The following MAML2 variants were observed in gnomAD, a reference collection of about 807,000 sequenced individuals.
MAML2 encodes mastermind-like protein 2.
A neutral mutation model predicts 96.1 loss-of-function variants in MAML2; 22 were observed. That is an observed-to-expected ratio of 0.23 (90% CI 0.16 to 0.33). MAML2 has a LOEUF of 0.33. MAML2 is among the 10% of genes least tolerant of loss of function. The pLI, the probability that MAML2 is intolerant of heterozygous loss-of-function variation, is 1.00. For missense variants in MAML2, 1,367 were observed against 1,392.4 expected, an observed-to-expected ratio of 0.98 and a Z score of 0.29; for synonymous variants, 561 against 521.3, an observed-to-expected ratio of 1.08 and a Z score of -1.04.
chr11:96,272,119 C>G (rs1281731658), intron 1 of MAML2, among the ~76,000 whole-genome samples: 1 of 152,150 alleles, frequency 6.6e-6, no homozygotes, highest in African/African-American at 2.4e-5. Context: ...AAACTGACTC[C>G]TTTCTCTGAC....
intron 2 of MAML2, among the ~76,000 whole-genome samples, chr11:96,069,087 C>A (rs1404290563): frequency 6.6e-6 from 1 of 151,738 alleles, no homozygotes; most frequent in Non-Finnish European, 1.5e-5. Flanking sequence ...TGCCACCAGC[C>A]CAGCTAGTTT....
At chr11:96,190,791 T>C (rs190374214) in intron 1 of MAML2, among the ~76,000 whole-genome samples, 1 of 152,304 alleles carries the variant, frequency 6.6e-6, no homozygotes, top group East Asian at 1.9e-4. Flanking sequence ...GGGGGTCTCA[T>C]GTGTAAAAAC....
intron 1 of MAML2, among the ~76,000 whole-genome samples, chr11:96,105,412 A>T (rs971472805): frequency 3.3e-5 from 5 of 152,224 alleles, no homozygotes; most frequent in African/African-American, 9.7e-5. Flanking sequence ...TGGACAACCC[A>T]GGACTGCAAT....
chr11:96,116,949 A>T (rs1327655587), intron 1 of MAML2, among the ~76,000 whole-genome samples: 2 of 152,264 alleles, frequency 1.3e-5, no homozygotes, highest in African/African-American at 4.8e-5. Context: ...CATCAGCAAG[A>T]AGTTAATGAT....
At chr11:96,000,029 T>C (rs1159277062) in intron 2 of MAML2, among the ~76,000 whole-genome samples, 3 of 152,198 alleles carry the variant, frequency 2.0e-5, no homozygotes, top group East Asian at 1.9e-4. Context: ...AAACAAGTTG[T>C]CTGAACTGTT....
chr11:96,051,267 G>T (rs1249740563), intron 2 of MAML2, among the ~76,000 whole-genome samples: 2 of 152,042 alleles, frequency 1.3e-5, no homozygotes. Flanking sequence ...CTCTCAATTA[G>T]TCCTCACATT....
At chr11:96,079,376 A>C (rs1332341548) in intron 2 of MAML2, among the ~76,000 whole-genome samples, 3 of 152,210 alleles carry the variant, frequency 2.0e-5, no homozygotes, top group Non-Finnish European at 4.4e-5. Flanking sequence ...TAAACACATG[A>C]TTGAGCAAAT....
At chr11:96,052,939 T>C (rs1025016880) in intron 2 of MAML2, among the ~76,000 whole-genome samples, 4 of 152,218 alleles carry the variant, frequency 2.6e-5, no homozygotes, top group Admixed American at 1.3e-4. Context: ...TGATGAGCCT[T>C]GCCTGGCCTG....
intron 1 of MAML2, among the ~76,000 whole-genome samples, chr11:96,327,081 AAGG>A (rs1315145902): frequency 6.6e-6 from 1 of 152,232 alleles, no homozygotes; most frequent in Non-Finnish European, 1.5e-5. Flanking sequence ...TTCGCGAGAG[AAGG>A]AGATCAGTCA....
At chr11:96,165,646 G>C (rs1046668896) in intron 1 of MAML2, among the ~76,000 whole-genome samples, 1 of 152,074 alleles carries the variant, frequency 6.6e-6, no homozygotes, top group African/African-American at 2.4e-5. Flanking sequence ...TGCTGGGTGG[G>C]TCAAAGATTA....
intron 2 of MAML2, among the ~76,000 whole-genome samples, chr11:96,067,354 G>T (rs1859262085): frequency 6.6e-6 from 1 of 152,154 alleles, no homozygotes; most frequent in South Asian, 2.1e-4. Flanking sequence ...GCCTTCTTCC[G>T]CCAACAGAGC....
chr11:96,206,337 C>A (rs2135934829), intron 1 of MAML2, among the ~76,000 whole-genome samples: 1 of 152,246 alleles, frequency 6.6e-6, no homozygotes, highest in Middle Eastern at 3.4e-3. Context: ...GTGGCTCATG[C>A]CTGTAATCCC....
intron 1 of MAML2, among the ~76,000 whole-genome samples, chr11:96,278,452 G>T (rs901357444): frequency 1.3e-5 from 2 of 152,156 alleles, no homozygotes; most frequent in Non-Finnish European, 2.9e-5. Flanking sequence ...AATGTAGTAA[G>T]GCGGACATCC....
chr11:96,337,187 C>G (rs1328515666), intron 1 of MAML2, among the ~76,000 whole-genome samples: 3 of 151,958 alleles, frequency 2.0e-5, no homozygotes, highest in Non-Finnish European at 4.4e-5. Context: ...GAAAATAGGT[C>G]AGTTTTTAAG....
chr11:96,311,129 A>G (rs74807364), intron 1 of MAML2, among the ~76,000 whole-genome samples: 5,939 of 152,346 alleles, frequency 0.039, 195 homozygotes, highest in South Asian at 0.18. Context: ...AATGTTCACA[A>G]GAAAAGACAG....
intron 1 of MAML2, among the ~76,000 whole-genome samples, chr11:96,204,241 C>G (rs1861866006): frequency 6.6e-6 from 1 of 152,090 alleles, no homozygotes; most frequent in Admixed American, 6.5e-5. Context: ...TATTGCCCAC[C>G]CAAGTTAATT....
At chr11:96,320,061 T>A (rs1232632692) in intron 1 of MAML2, among the ~76,000 whole-genome samples, 1 of 152,216 alleles carries the variant, frequency 6.6e-6, no homozygotes, top group African/African-American at 2.4e-5. Context: ...GAACTTGCCA[T>A]GCTGGCCAGA....
intron 1 of MAML2, among the ~76,000 whole-genome samples, chr11:96,271,204 C>T (rs192503807): frequency 4.6e-5 from 7 of 152,260 alleles, no homozygotes; most frequent in Non-Finnish European, 1.0e-4. Flanking sequence ...ATTTGTGGGA[C>T]TTCATCTTGT....
intron 1 of MAML2, among the ~76,000 whole-genome samples, chr11:96,220,749 T>TA (rs1185957689): frequency 1.3e-5 from 2 of 152,088 alleles, no homozygotes; most frequent in African/African-American, 4.8e-5. Context: ...GACATAGATT[T>TA]AAAAAAATAC....
Sources: gnomAD v4.1 joint callset for allele counts (sites outside exome capture counted in the v4.1 genomes callset) on GRCh38, gnomAD v4.1.1 for gene constraint, MANE v1.5 for transcripts, NCBI Gene and HGNC (gene_info 2026-07-23, HGNC 2026-07-21) for gene names.